Variants in GFOD1 observed in about 807,000 individuals in gnomAD.
GFOD1 encodes the protein Gfo/Idh/MocA-like oxidoreductase domain containing 1, also known as glucose-fructose oxidoreductase domain-containing protein 1.
GFOD1 carries 9 observed loss-of-function variants against 25.4 expected under a neutral mutation model. The observed-to-expected ratio is 0.35, with a 90% CI of 0.21 to 0.62. The LOEUF (loss-of-function observed/expected upper bound fraction) is 0.62. GFOD1 is among the 20% of genes least tolerant of loss of function. The probability of loss-of-function intolerance (pLI) is 0.72; values close to 1 mark genes in which losing one functional copy is unlikely to be tolerated. For missense variants in GFOD1, 403 were observed against 556.9 expected, an observed-to-expected ratio of 0.72 and a Z score of 2.78; for synonymous variants, 253 against 245.6, an observed-to-expected ratio of 1.03 and a Z score of -0.28.
chr6:13,482,916 C>T (rs1302763591), intron 1 of GFOD1, among the ~76,000 whole-genome samples: 1 of 150,554 alleles, frequency 6.6e-6, no homozygotes, highest in South Asian at 2.1e-4. Context: ...ATATATACAT[C>T]TATATATTAG....
At chr6:13,374,346 T>C (rs1054385873) in intron 1 of GFOD1, among the ~76,000 whole-genome samples, 2 of 148,798 alleles carry the variant, frequency 1.3e-5, no homozygotes, top group Non-Finnish European at 3.0e-5. Flanking sequence ...CTCTATCGCC[T>C]AGGCTGGAGT....
intron 1 of GFOD1, among the ~76,000 whole-genome samples, chr6:13,479,101 A>G (rs563546407): frequency 6.6e-6 from 1 of 152,166 alleles, no homozygotes; most frequent in Admixed American, 6.5e-5. Flanking sequence ...ATAGTCTCTG[A>G]GTCTTACAGG....
chr6:13,464,861 CGTGTGTGTGTGTGTGTGTGTGT>C lies in GFOD1; in HGVS notation c.253+21755_253+21776del, dbSNP rs36218477. Among the ~76,000 whole-genome samples the C allele has an allele frequency of 4.3e-3, 628 of 146,870 alleles. 5 individuals carry two copies. Among genetic ancestry groups the C allele is most frequent in the African/African-American group, 0.015 (596 of 39,100 alleles). On this transcript the variant is annotated intron_variant, in intron 1 of 1. Coordinates refer to ENST00000379287, the MANE Select transcript of GFOD1 (RefSeq NM_018988.4). ...TCCCTGCACCCTCTCTTCCTCTTTC[CGTGTGTGTGTGTGTGTGTGTGT>C]GTGTGTGTGTGTGTGTGTGTGTGTA...
intron 1 of GFOD1, among the ~76,000 whole-genome samples, chr6:13,366,195 G>T (rs1441744094): frequency 6.6e-6 from 1 of 152,000 alleles, no homozygotes; most frequent in Non-Finnish European, 1.5e-5. Flanking sequence ...TTGTTTGTTT[G>T]TTTTTGAGAC....
chr6:13,416,829 T>C (rs1336229618), intron 1 of GFOD1, among the ~76,000 whole-genome samples: 26 of 152,184 alleles, frequency 1.7e-4, no homozygotes, highest in Admixed American at 1.6e-3. Context: ...AGGCAGGGCA[T>C]GGTAGCAATG....
At chr6:13,417,768 C>T (rs1786187053) in intron 1 of GFOD1, among the ~76,000 whole-genome samples, 1 of 152,212 alleles carries the variant, frequency 6.6e-6, no homozygotes, top group South Asian at 2.1e-4. Flanking sequence ...AATATGGATT[C>T]TTTCAACCAT....
At chr6:13,393,472 C>T (rs191099800) in intron 1 of GFOD1, among the ~76,000 whole-genome samples, 112 of 151,096 alleles carry the variant, frequency 7.4e-4, no homozygotes, top group African/African-American at 2.6e-3. Context: ...GAAAGGACCA[C>T]CGGCCAGTCC....
At chr6:13,389,313 C>T (rs1340374538) in intron 1 of GFOD1, among the ~76,000 whole-genome samples, 1 of 152,204 alleles carries the variant, frequency 6.6e-6, no homozygotes, top group African/African-American at 2.4e-5. Context: ...CACATGCACA[C>T]ATATGTTTAT....
rs181742701 is a variant in GFOD1, at chr6:13,391,477, G to A, written c.254-25815C>T. Reference sequence around the variant, plus strand: ...TGTGCCACTGCACTCTAGCCTGGGCGACAGAGCGAGACTCCATCTCAAAAA... The same window carrying A: ...TGTGCCACTGCACTCTAGCCTGGGCAACAGAGCGAGACTCCATCTCAAAAA... On this transcript the variant is annotated intron_variant, in intron 1 of 1. Coordinates refer to ENST00000379287, the MANE Select transcript of GFOD1 (RefSeq NM_018988.4). Among the ~76,000 whole-genome samples the A allele has an allele frequency of 4.6e-4, 58 of 124,898 alleles. 1 individual carries two copies. Among genetic ancestry groups the A allele is most frequent in the Middle Eastern group, 5.8e-3 (1 of 172 alleles). 81.9% of individuals were successfully genotyped at this position (124,898 alleles called of 152,430 possible).
At chr6:13,436,527 G>A (rs1354978614) in intron 1 of GFOD1, among the ~76,000 whole-genome samples, 1 of 152,060 alleles carries the variant, frequency 6.6e-6, no homozygotes, top group Non-Finnish European at 1.5e-5. Flanking sequence ...CTAAATTATG[G>A]TTTTATAGGC....
chr6:13,393,872 C>T (rs1785671917), intron 1 of GFOD1, among the ~76,000 whole-genome samples: 1 of 149,766 alleles, frequency 6.7e-6, no homozygotes, highest in South Asian at 2.1e-4. Context: ...CTCCGCCTCC[C>T]GGGTTCGGCC....
chr6:13,473,762 C>G (rs1306826434), intron 1 of GFOD1, among the ~76,000 whole-genome samples: 6 of 152,118 alleles, frequency 3.9e-5, no homozygotes, highest in African/African-American at 1.2e-4. Context: ...CAGTTGAAGA[C>G]CAACCCACCT....
At chr6:13,388,966 C>T (rs1317079229) in intron 1 of GFOD1, among the ~76,000 whole-genome samples, 3 of 152,202 alleles carry the variant, frequency 2.0e-5, no homozygotes, top group African/African-American at 7.2e-5. Flanking sequence ...CATGAACAGA[C>T]ACTTCTCAAA....
intron 1 of GFOD1, among the ~76,000 whole-genome samples, chr6:13,444,364 G>A (rs1584655665): frequency 2.0e-5 from 3 of 151,674 alleles, no homozygotes; most frequent in African/African-American, 7.3e-5. Flanking sequence ...CCTTACGGGT[G>A]GAGGGTGGGA....
chr6:13,440,487 G>A (rs1179450839), intron 1 of GFOD1, among the ~76,000 whole-genome samples: 1 of 152,146 alleles, frequency 6.6e-6, no homozygotes, highest in Non-Finnish European at 1.5e-5. Flanking sequence ...CACCGTGTGT[G>A]GCCAACATGA....
intron 1 of GFOD1, among the ~76,000 whole-genome samples, chr6:13,462,326 G>T (rs1391443439): frequency 6.6e-6 from 1 of 152,154 alleles, no homozygotes; most frequent in Non-Finnish European, 1.5e-5. Flanking sequence ...GGATATTTTT[G>T]TTCCCAATTT....
intron 1 of GFOD1, among the ~76,000 whole-genome samples, chr6:13,433,722 G>A (rs1757788600): frequency 6.6e-6 from 1 of 152,056 alleles, no homozygotes; most frequent in African/African-American, 2.4e-5. Flanking sequence ...GCACTGAAGA[G>A]AGAGACATTG....
intron 1 of GFOD1, among the ~76,000 whole-genome samples, chr6:13,404,294 G>A (rs1203069524): frequency 6.6e-6 from 1 of 152,194 alleles, no homozygotes; most frequent in African/African-American, 2.4e-5. Flanking sequence ...TCATCAAGTA[G>A]TCATTTAGTC....
intron 1 of GFOD1, among the ~76,000 whole-genome samples, chr6:13,377,941 A>G (rs1029020596): frequency 2.4e-4 from 36 of 152,136 alleles, no homozygotes; most frequent in African/African-American, 8.2e-4. Flanking sequence ...CTTGTTATCA[A>G]TGAGATTGTG....
Sources: gnomAD v4.1 joint callset for allele counts (sites outside exome capture counted in the v4.1 genomes callset) on GRCh38, gnomAD v4.1.1 for gene constraint, MANE v1.5 for transcripts, NCBI Gene and HGNC (gene_info 2026-07-23, HGNC 2026-07-21) for gene names.